PIK3R6: variants seen among roughly 807,000 people sequenced by gnomAD.
PIK3R6 encodes the protein phosphoinositide-3-kinase regulatory subunit 6.
PIK3R6 carries 91 observed loss-of-function variants against 84.9 expected under a neutral mutation model. That is an observed-to-expected ratio of 1.07 (90% CI 0.90 to 1.28). The LOEUF is 1.28. PIK3R6 is among the 50% of genes most tolerant of loss of function. The pLI is 0.00. For synonymous variants in PIK3R6, 416 were observed against 411.4 expected, an observed-to-expected ratio of 1.01 and a Z score of -0.13; for missense variants, 996 against 985.1, an observed-to-expected ratio of 1.01 and a Z score of -0.15.
At chr17:8,831,008 TG>T (rs1401774261) in intron 9 of PIK3R6, among the ~76,000 whole-genome samples, 15 of 151,830 alleles carry the variant, frequency 9.9e-5, no homozygotes, top group African/African-American at 3.4e-4. Flanking sequence ...TAGCTGGGCA[TG>T]GTGGCAGGCG....
chr17:8,821,765 C>T (rs1366754839), intron 17 of PIK3R6, 81 bp downstream of exon 17: 9 of 1,411,206 alleles, frequency 6.4e-6, no homozygotes, highest in African/African-American at 2.8e-5. Context: ...GCTCCCCCTT[C>T]TCCTGCCACT....
rs2088055262 is a variant in PIK3R6, at chr17:8,828,906, C to T, written c.974G>A (p.Arg325Gln). 6.5e-7 allele frequency: 1 copy of T among 1,549,948 alleles called. No individual in the cohort carries two copies. The highest frequency in any genetic ancestry group is 8.7e-7 in the Non-Finnish European group (1 of 1,148,658). The change falls in exon 11 of 20, where the codon CGG becomes CAG. Residue 325 changes from arginine (R) to glutamine (Q), a missense_variant. By Grantham distance (43) the Arg-to-Gln change is conservative. Transcript: ENST00000619866. ...AACCCGGGCCAACTCCCGGTCCGGC[C>T]GGAGGCCCTGCAGATCCAAGACCTC... is the stretch of plus-strand genomic sequence containing the variant. The part of the protein sequence containing the change: ...DLEVLDLQGL[R>Q]PDRELARVSV...
At chr17:8,858,092 T>C (rs2089185667) in intron 1 of PIK3R6, among the ~76,000 whole-genome samples, 1 of 152,178 alleles carries the variant, frequency 6.6e-6, no homozygotes, top group Non-Finnish European at 1.5e-5. Flanking sequence ...TTGTGGTCGA[T>C]TTCCTGTCCT....
chr17:8,808,533 C>A (rs1255357350), intron 18 of PIK3R6, among the ~76,000 whole-genome samples: 1 of 152,208 alleles, frequency 6.6e-6, no homozygotes, highest in African/African-American at 2.4e-5. Flanking sequence ...TGAATCCAGA[C>A]AATCTGGCTC....
intron 2 of PIK3R6, among the ~76,000 whole-genome samples, chr17:8,840,963 A>G (rs2088659792): frequency 6.6e-6 from 1 of 151,918 alleles, no homozygotes; most frequent in South Asian, 2.1e-4. Flanking sequence ...CGTGTTAGCT[A>G]GGATGGTCTC....
intron 9 of PIK3R6, among the ~76,000 whole-genome samples, chr17:8,830,270 T>A (rs1342838106): frequency 6.6e-6 from 1 of 152,182 alleles, no homozygotes; most frequent in Non-Finnish European, 1.5e-5. Context: ...CGAGAACTCA[T>A]CAACAAAGTT....
chr17:8,863,549 T>G (rs893675252), intron 1 of PIK3R6, among the ~76,000 whole-genome samples: 3 of 152,042 alleles, frequency 2.0e-5, no homozygotes, highest in Non-Finnish European at 4.4e-5. Context: ...GTGTGTTTTT[T>G]TTTGAGACAG....
At chr17:8,831,145 C>CAAAA (rs35954175) in intron 9 of PIK3R6, among the ~76,000 whole-genome samples, 10 of 42,018 alleles carry the variant, frequency 2.4e-4, no homozygotes, top group African/African-American at 9.7e-4. Context: ...GATTGTGTCT[C>CAAAA]AAAAAAAAAA....
At chr17:8,840,751 TTG>T (rs34161284) in intron 2 of PIK3R6, among the ~76,000 whole-genome samples, 3 of 147,638 alleles carry the variant, frequency 2.0e-5, no homozygotes, top group Admixed American at 6.9e-5. Flanking sequence ...ATTATTATTT[TTG>T]TGTGTGTGTG....
chr17:8,865,250 G>T (rs9907266), intron 1 of PIK3R6, among the ~76,000 whole-genome samples: 1 of 151,946 alleles, frequency 6.6e-6, no homozygotes, highest in Admixed American at 6.6e-5. Context: ...TGTCCCTTGT[G>T]CCCCCATCCC....
At chr17:8,840,807 C>T (rs192710815) in intron 2 of PIK3R6, among the ~76,000 whole-genome samples, 334 of 151,514 alleles carry the variant, frequency 2.2e-3, no homozygotes, top group African/African-American at 7.3e-3. Context: ...GGCTGGAGTG[C>T]AGTGGCGCAA....
At chr17:8,853,312 C>T (rs879516363) in intron 1 of PIK3R6, among the ~76,000 whole-genome samples, 16 of 148,126 alleles carry the variant, frequency 1.1e-4, no homozygotes, top group African/African-American at 2.2e-4. Flanking sequence ...GGTGAAACCC[C>T]GTCTCTACTA....
At chr17:8,829,630 A>G (rs1318167266) in intron 10 of PIK3R6, 76 bp downstream of exon 10, 8 of 1,405,316 alleles carry the variant, frequency 5.7e-6, no homozygotes, top group Non-Finnish European at 7.9e-6. Flanking sequence ...ATGCACACTG[A>G]CACACACTCA....
intron 18 of PIK3R6, among the ~76,000 whole-genome samples, chr17:8,813,625 C>T (rs111507302): frequency 0.023 from 3,450 of 152,218 alleles, 127 homozygotes; most frequent in African/African-American, 0.076. Flanking sequence ...ATAAATGTGA[C>T]TCACCACATA....
rs774618667 is a variant in PIK3R6, at chr17:8,804,035, C to A, written c.2108+6G>T. The A allele has an allele frequency of 1.2e-6, 2 of 1,612,382 alleles. No individual in the cohort carries two copies. Among genetic ancestry groups the A allele is most frequent in the South Asian group, 2.2e-5 (2 of 91,016 alleles). ...GGACATCTAGGGTTGGCAGGCCCAGCCTCACCTGACCACATCCCTGAAAGT... is the reference window on the plus strand; with the variant it reads ...GGACATCTAGGGTTGGCAGGCCCAGACTCACCTGACCACATCCCTGAAAGT... On this transcript the variant is annotated splice_donor_region_variant and intron_variant, in intron 19 of 19. Transcript: ENST00000619866.
At chr17:8,848,795 C>G (rs917811910) in intron 2 of PIK3R6, among the ~76,000 whole-genome samples, 1 of 152,128 alleles carries the variant, frequency 6.6e-6, no homozygotes, top group African/African-American at 2.4e-5. Context: ...TGCCTGACTC[C>G]ATGGAGCTAC....
chr17:8,803,648 C>A lies in PIK3R6; in HGVS notation c.2109-219G>T. ...GACACTTGGAGCAAGTAACTCTGCG[C>A]ATGCCTCCCTTACCCAAACACACCT... is the stretch of plus-strand genomic sequence containing the variant. On this transcript the variant is annotated intron_variant, in intron 19 of 19. Coordinates refer to ENST00000619866, the MANE Select transcript of PIK3R6 (RefSeq NM_001010855.4). This position sits in a 1 kb window ranked among gnomAD's most constrained non-coding sequence, Gnocchi z 5.0. 1 of 568,506 alleles carries A rather than the reference C, an allele frequency of 1.8e-6. No individual in the cohort carries two copies. The highest frequency in any genetic ancestry group is 3.1e-6 in the Non-Finnish European group (1 of 324,188). The allele number at this position is 568,506 out of a possible 1,614,324, so 35.2% of individuals were successfully genotyped here.
intron 1 of PIK3R6, among the ~76,000 whole-genome samples, chr17:8,863,125 G>C (rs1384839696): frequency 6.6e-6 from 1 of 152,166 alleles, no homozygotes; most frequent in African/African-American, 2.4e-5. Context: ...AGTTGGGAAG[G>C]GGAAGGAGGG....
chr17:8,857,018 C>T (rs1787319107), intron 1 of PIK3R6, among the ~76,000 whole-genome samples: 1 of 81,996 alleles, frequency 1.2e-5, no homozygotes, highest in African/African-American at 7.2e-5. Flanking sequence ...AGCTGGCTCC[C>T]CCTCGACATT....
Sources: allele counts gnomAD v4.1 joint callset (sites outside exome capture counted in the v4.1 genomes callset), GRCh38; gene constraint gnomAD v4.1.1; non-coding constraint Gnocchi (gnomAD v3.1); transcripts MANE v1.5; gene names NCBI Gene and HGNC (gene_info 2026-07-23, HGNC 2026-07-21).